The following ATP8B1 variants were observed in gnomAD, a reference collection of about 807,000 sequenced individuals.
The protein encoded by ATP8B1 is ATPase phospholipid transporting 8B1, also known as phospholipid-transporting ATPase IC.
In ATP8B1, 80 loss-of-function variants were observed where a neutral mutation model predicts 149.9. The ratio of observed to expected loss-of-function variants is 0.53; its 90% CI spans 0.45 to 0.64. The LOEUF (loss-of-function observed/expected upper bound fraction) is 0.64. ATP8B1 is among the 30% of genes least tolerant of loss of function. The pLI is 0.00. For synonymous variants in ATP8B1, 536 were observed against 562.8 expected, an observed-to-expected ratio of 0.95 and a Z score of 0.67; for missense variants, 1,247 against 1,552.6, an observed-to-expected ratio of 0.80 and a Z score of 3.31.
At chr18:57,667,543 A>G (rs1487006091) in intron 19 of ATP8B1, 3 of 224,548 alleles carry the variant, frequency 1.3e-5, no homozygotes. Context: ...TTTCTATAGC[A>G]ATCTGTAGGA....
chr18:57,655,571 G>A (rs1016302790), intron 22 of ATP8B1, among the ~76,000 whole-genome samples, 154 bp from the exon 23 acceptor site: 2 of 152,196 alleles, frequency 1.3e-5, no homozygotes, highest in African/African-American at 4.8e-5. Flanking sequence ...CTCACCCCCA[G>A]CTCTTGAACT....
Position 57,653,271 on chromosome 18 carries a change from C to CCTTTT in ATP8B1, c.3016-547_3016-543dup, listed in dbSNP as rs1388520890. On this transcript the variant is annotated intron_variant, in intron 24 of 27. Coordinates refer to ENST00000648908, the MANE Select transcript of ATP8B1 (RefSeq NM_001374385.1). ...ATTGGACTCTCGGGTGCCTTTTTTT[C>CCTTTT]CTTTTCTTTTCTTTTTTTTTTTTTT... Among the ~76,000 whole-genome samples the CCTTTT allele has an allele frequency of 1.4e-3, 210 of 146,446 alleles. 3 individuals are homozygous for CCTTTT. The highest frequency in any genetic ancestry group is 4.8e-3 in the African/African-American group (194 of 40,266).
At chr18:57,685,231 T>A in intron 13 of ATP8B1, 116 bp from the exon 14 acceptor site, 2 of 1,111,736 alleles carry the variant, frequency 1.8e-6, no homozygotes, top group Non-Finnish European at 2.6e-6. Flanking sequence ...CTGGACAGGC[T>A]AAAATATTTA....
chr18:57,770,747 T>C (rs2080256775), intron 1 of ATP8B1, among the ~76,000 whole-genome samples: 1 of 152,256 alleles, frequency 6.6e-6, no homozygotes, highest in Admixed American at 6.5e-5. Flanking sequence ...CGCAAGTTCA[T>C]GGCAATATAC....
chr18:57,769,145 A>C (rs1026466179), intron 1 of ATP8B1, among the ~76,000 whole-genome samples: 1 of 152,082 alleles, frequency 6.6e-6, no homozygotes, highest in Non-Finnish European at 1.5e-5. Context: ...TAAGGGGAGG[A>C]CCAGCTCAGA....
intron 22 of ATP8B1, among the ~76,000 whole-genome samples, chr18:57,657,472 G>A (rs948030133): frequency 2.6e-5 from 4 of 152,066 alleles, no homozygotes; most frequent in Admixed American, 1.3e-4. Context: ...GCAATGCTGC[G>A]GCGTTCCAAC....
chr18:57,674,254 A>AAAAG (rs1911443775), intron 16 of ATP8B1, among the ~76,000 whole-genome samples: 3 of 145,570 alleles, frequency 2.1e-5, no homozygotes, highest in South Asian at 2.1e-4. Context: ...AAAAAAAAAA[A>AAAAG]AAAAGAAAAG....
intron 1 of ATP8B1, among the ~76,000 whole-genome samples, chr18:57,760,751 G>T (rs990442082): frequency 2.0e-5 from 3 of 152,152 alleles, no homozygotes; most frequent in African/African-American, 7.2e-5. Flanking sequence ...AGCACCTTGG[G>T]AGGCCGAGGT....
At chr18:57,792,311 T>C (rs1011859206) in intron 1 of ATP8B1, among the ~76,000 whole-genome samples, 3 of 152,150 alleles carry the variant, frequency 2.0e-5, no homozygotes, top group Non-Finnish European at 2.9e-5. Flanking sequence ...TAATTTTTTT[T>C]TTTTACAATT....
rs1317916000 is a variant in ATP8B1, at chr18:57,654,477, T to C, written c.2932-402A>G. On this transcript the variant is annotated intron_variant, in intron 23 of 27. Transcript: ENST00000648908. Reference sequence around the variant, plus strand: ...GGGATTACAGGCACACGCCACCATGTCTGGCTAATTTTTGTGTATTTTGTT... The same window carrying C: ...GGGATTACAGGCACACGCCACCATGCCTGGCTAATTTTTGTGTATTTTGTT... Among the ~76,000 whole-genome samples, 3 of 149,716 alleles carry C rather than the reference T, an allele frequency of 2.0e-5. No homozygotes were observed. The East Asian group carries it at 6.0e-4, about 30-fold the overall frequency.
rs1491309917 is a variant in ATP8B1 at position 57,661,714 on chromosome 18, T to TATATA, written c.2419-253_2419-252insTATAT. On this transcript the variant is annotated intron_variant, in intron 21 of 27. Transcript: ENST00000648908. ...ACACACACATATATATATATATATA[T>TATATA]TTTTTTTTTTTTTTTTTTTGAGATG... Among the ~76,000 whole-genome samples, 338 of 37,310 alleles carry TATATA rather than the reference T, an allele frequency of 9.1e-3. 1 individual carries two copies. The highest frequency in any genetic ancestry group is 0.026 in the African/African-American group (220 of 8,444). The allele number at this position is 37,310 out of a possible 152,430, so 24.5% of individuals were successfully genotyped here.
At chr18:57,744,610 C>A (rs1289068909) in intron 1 of ATP8B1, among the ~76,000 whole-genome samples, 1 of 152,154 alleles carries the variant, frequency 6.6e-6, no homozygotes. Flanking sequence ...TTGTTAGGGA[C>A]AATGGCCTCA....
At chr18:57,693,645 T>C (rs8097362) in intron 11 of ATP8B1, among the ~76,000 whole-genome samples, 3 of 152,044 alleles carry the variant, frequency 2.0e-5, no homozygotes, top group African/African-American at 7.2e-5. Flanking sequence ...GAGACGGAGA[T>C]TGCAGTGAGC....
intron 20 of ATP8B1, among the ~76,000 whole-genome samples, chr18:57,664,682 G>A (rs1862919): frequency 0.018 from 2,769 of 152,202 alleles, 81 homozygotes; most frequent in African/African-American, 0.063. Flanking sequence ...ACAAGGCTAC[G>A]TGTAACACTT....
intron 1 of ATP8B1, among the ~76,000 whole-genome samples, chr18:57,746,467 C>CTTTT (rs71171082): frequency 1.6e-3 from 151 of 94,106 alleles, no homozygotes; most frequent in Non-Finnish European, 2.0e-3. Context: ...CTGATGCTTA[C>CTTTT]TTTTTTTTTT....
intron 1 of ATP8B1, among the ~76,000 whole-genome samples, chr18:57,757,283 C>T (rs1035107472): frequency 1.3e-5 from 2 of 152,150 alleles, no homozygotes; most frequent in African/African-American, 4.8e-5. Context: ...ATCATTCTTT[C>T]AGCATGTCCA....
In ATP8B1 at chr18:57,672,922, AT is replaced by A. The variant is rs1568189351; in HGVS notation, c.1820-1343del. On this transcript the variant is annotated intron_variant, in intron 16 of 27. Transcript: ENST00000648908. ...TATATATATATATATATATATATAT[AT>A]ATATATATAACATGTATATACACAT... 8.1e-3 allele frequency among the ~76,000 whole-genome samples: 415 copies of A among 51,262 alleles called. 22 individuals are homozygous for A. The highest frequency in any genetic ancestry group is 0.029 in the East Asian group (17 of 582). 33.6% of individuals were successfully genotyped at this position (51,262 alleles called of 152,430 possible). A position where few individuals can be genotyped will look rare whatever the true frequency, so the allele number is the denominator to read the frequency against.
At chr18:57,761,209 G>T (rs1339981924) in intron 1 of ATP8B1, among the ~76,000 whole-genome samples, 1 of 152,044 alleles carries the variant, frequency 6.6e-6, no homozygotes, top group East Asian at 1.9e-4. Context: ...CCAAAGTGCT[G>T]GGATTATAGG....
chr18:57,756,236 C>CACATAT lies in ATP8B1; in HGVS notation c.-25-24405_-25-24404insATATGT, dbSNP rs1270164219. On this transcript the variant is annotated intron_variant, in intron 1 of 27. Coordinates refer to ENST00000648908, the MANE Select transcript of ATP8B1 (RefSeq NM_001374385.1). ...ACACACACACACACACACACACACA[C>CACATAT]ATATATACACACACACATATATATA... 3.8e-3 allele frequency among the ~76,000 whole-genome samples: 401 copies of CACATAT among 106,142 alleles called. 16 individuals are homozygous for CACATAT. Among genetic ancestry groups the CACATAT allele is most frequent in the South Asian group, 0.026 (86 of 3,278 alleles). 69.6% of individuals were successfully genotyped at this position (106,142 alleles called of 152,430 possible). A position where few individuals can be genotyped will look rare whatever the true frequency, so the allele number is the denominator to read the frequency against.
Sources: allele counts gnomAD v4.1 joint callset (sites outside exome capture counted in the v4.1 genomes callset), GRCh38; gene constraint gnomAD v4.1.1; transcripts MANE v1.5; gene names NCBI Gene and HGNC (gene_info 2026-07-23, HGNC 2026-07-21).